HBS1L: variants seen among roughly 807,000 people sequenced by gnomAD.
HBS1L encodes HBS1-like protein.
Under a neutral mutation model 88.9 loss-of-function variants are expected in HBS1L, and 55 were observed. That is an observed-to-expected ratio of 0.62 (90% CI 0.50 to 0.77). The LOEUF (loss-of-function observed/expected upper bound fraction) is 0.77. Ranked by LOEUF, HBS1L falls within the 30% of genes least tolerant of loss-of-function variation. The pLI, the probability that HBS1L is intolerant of heterozygous loss-of-function variation, is 0.00. For missense variants in HBS1L, 741 were observed against 829.3 expected (o/e 0.89, Z 1.31); for synonymous variants, 267 against 288.5 (o/e 0.93, Z 0.76).
At chr6:134,986,607 TACTC>T (rs1191087383) in intron 10 of HBS1L, 125 bp downstream of exon 10, 11 of 479,412 alleles carry the variant, frequency 2.3e-5, no homozygotes, top group South Asian at 4.1e-5. Flanking sequence ...ATATATATGA[TACTC>T]AAGAGAAAAT....
chr6:134,993,693 C>A, intron 8 of HBS1L, 65 bp downstream of exon 8: 1 of 633,490 alleles, frequency 1.6e-6, no homozygotes, highest in South Asian at 4.2e-5. Context: ...GAATTGTAAC[C>A]TCAGCATCAG....
intron 4 of HBS1L, chr6:135,035,769 AAAAAAAAAAAAAAAAAAAAAAGCAGC>A: frequency 1.5e-5 from 1 of 64,726 alleles, no homozygotes; most frequent in Non-Finnish European, 3.7e-5. Flanking sequence ...AAAAAAAAAA[AAAAAAAAAAAAAAAAAAAAAAGCAGC>A]AGCAGCAGCA....
intron 4 of HBS1L, among the ~76,000 whole-genome samples, chr6:135,027,394 A>T (rs1300339505): frequency 6.6e-6 from 1 of 152,222 alleles, no homozygotes; most frequent in East Asian, 1.9e-4. Context: ...CATAACAAAA[A>T]TAACAAAACT....
intron 17 of HBS1L, among the ~76,000 whole-genome samples, chr6:134,965,747 T>G (rs994050660): frequency 6.6e-6 from 1 of 152,224 alleles, no homozygotes; most frequent in Non-Finnish European, 1.5e-5. Context: ...AGTGTAACTC[T>G]GAAAGCTGTT....
At chr6:134,977,381 C>T (rs946696545) in intron 15 of HBS1L, among the ~76,000 whole-genome samples, 2 of 152,028 alleles carry the variant, frequency 1.3e-5, no homozygotes, top group South Asian at 2.1e-4. Flanking sequence ...ATAGGACATA[C>T]TGCTTTCTGT....
Position 135,039,630 on chromosome 6 carries a change from C to T in HBS1L, c.373G>A (p.Val125Met), listed in dbSNP as rs2114902992. 6.2e-7 allele frequency: 1 copy of T among 1,614,174 alleles called. No individual in the cohort carries two copies. The highest frequency in any genetic ancestry group is 8.5e-7 in the Non-Finnish European group (1 of 1,180,018). The change falls in exon 4 of 18, where the codon GTG becomes ATG. Residue 125 changes from valine to methionine, a missense_variant. Transcript: ENST00000367837. ...ALSGVLEQDR[V>M]QSLKDKNEAT... is the part of the protein sequence containing the mutation. The stretch of plus-strand genomic sequence containing the variant: ...TCATTCTTGTCCTTCAAACTCTGCA[C>T]TCTATCTTGTTCCAGAACCCCTGAC...
At chr6:134,980,190 T>G (rs146200167) in intron 13 of HBS1L, among the ~76,000 whole-genome samples, 237 of 152,148 alleles carry the variant, frequency 1.6e-3, no homozygotes, top group Middle Eastern at 6.8e-3. Context: ...TAAATTATAA[T>G]CCACCCATAT....
intron 5 of HBS1L, among the ~76,000 whole-genome samples, chr6:134,998,192 T>C (rs1775345590): frequency 6.6e-6 from 1 of 152,216 alleles, no homozygotes; most frequent in Non-Finnish European, 1.5e-5. Context: ...ACACTTGATT[T>C]ATTAAAAACT....
At chr6:135,012,414 C>T (rs1225638573) in intron 4 of HBS1L, among the ~76,000 whole-genome samples, 1 of 152,138 alleles carries the variant, frequency 6.6e-6, no homozygotes, top group Non-Finnish European at 1.5e-5. Context: ...TCAATTCAAA[C>T]TTTATATACT....
intron 3 of HBS1L, 107 bp downstream of exon 3, chr6:135,041,894 T>C: frequency 3.3e-6 from 3 of 899,754 alleles, no homozygotes; most frequent in Non-Finnish European, 5.1e-6. Flanking sequence ...TATGTTTACA[T>C]CATTACTGTT....
intron 15 of HBS1L, among the ~76,000 whole-genome samples, chr6:134,971,656 T>C (rs533906791): frequency 6.6e-6 from 1 of 152,246 alleles, no homozygotes; most frequent in South Asian, 2.1e-4. Flanking sequence ...CTGCACACTA[T>C]CTCAATATTT....
At chr6:135,040,992 T>C (rs906568172) in intron 3 of HBS1L, among the ~76,000 whole-genome samples, 2 of 152,150 alleles carry the variant, frequency 1.3e-5, no homozygotes, top group African/African-American at 4.8e-5. Flanking sequence ...AAAGATAAGA[T>C]TGAAAATCAT....
At chr6:134,980,448 T>C (rs1774796213) in intron 13 of HBS1L, among the ~76,000 whole-genome samples, 1 of 152,062 alleles carries the variant, frequency 6.6e-6, no homozygotes, top group African/African-American at 2.4e-5. Context: ...CTAGATTTAA[T>C]TTTAAAATGT....
intron 8 of HBS1L, among the ~76,000 whole-genome samples, chr6:134,993,429 G>C (rs1046831012): frequency 5.9e-5 from 9 of 152,060 alleles, no homozygotes; most frequent in African/African-American, 2.2e-4. Flanking sequence ...AAAGACATAA[G>C]GCAGATTTTG....
At chr6:134,976,209 C>A (rs1279254892) in intron 15 of HBS1L, among the ~76,000 whole-genome samples, 8 of 152,072 alleles carry the variant, frequency 5.3e-5, no homozygotes, top group Admixed American at 5.2e-4. Flanking sequence ...CAATGGGATA[C>A]CACCTTACTC....
chr6:135,046,404 A>G (rs1230236528), intron 2 of HBS1L, among the ~76,000 whole-genome samples: 1 of 152,196 alleles, frequency 6.6e-6, no homozygotes, highest in Non-Finnish European at 1.5e-5. Flanking sequence ...ATTAGAATGG[A>G]GCAAACAAAG....
intron 3 of HBS1L, among the ~76,000 whole-genome samples, chr6:135,040,608 C>T (rs1053011153): frequency 1.3e-5 from 2 of 151,982 alleles, no homozygotes; most frequent in Non-Finnish European, 2.9e-5. Context: ...CCTCGGCCTG[C>T]CAAAGTGCTG....
At chr6:135,034,746 A>C (rs186710878) in intron 4 of HBS1L, among the ~76,000 whole-genome samples, 9 of 152,326 alleles carry the variant, frequency 5.9e-5, no homozygotes, top group Admixed American at 5.2e-4. Flanking sequence ...ATTAATTCCT[A>C]AGTAGCATTT....
intron 8 of HBS1L, among the ~76,000 whole-genome samples, chr6:134,988,363 A>T (rs1289616769): frequency 6.6e-6 from 1 of 152,070 alleles, no homozygotes; most frequent in Non-Finnish European, 1.5e-5. Context: ...ACTGTCTCAA[A>T]AAAACAAAAA....
Sources: allele counts gnomAD v4.1 joint callset (sites outside exome capture counted in the v4.1 genomes callset), GRCh38; gene constraint gnomAD v4.1.1; transcripts MANE v1.5; gene names NCBI Gene and HGNC (gene_info 2026-07-23, HGNC 2026-07-21).